The following JAK2 variants were observed in gnomAD, a reference collection of about 807,000 sequenced individuals.
JAK2 encodes tyrosine-protein kinase JAK2.
Under a neutral mutation model 139.3 loss-of-function variants are expected in JAK2, and 86 were observed. The ratio of observed to expected loss-of-function variants is 0.62; its 90% CI spans 0.52 to 0.74. The LOEUF (loss-of-function observed/expected upper bound fraction) is 0.74, where lower values mean the gene tolerates loss of function less well. Among genes scored for constraint, JAK2 ranks in the 30% least tolerant of loss-of-function variants. The probability of loss-of-function intolerance (pLI) is 0.00; values close to 1 mark genes in which losing one functional copy is unlikely to be tolerated. For missense variants in JAK2, 1,421 were observed against 1,360.3 expected (o/e 1.04, Z -0.70); for synonymous variants, 490 against 437.7 (o/e 1.12, Z -1.49).
chr9:5,114,060 C>A (rs1448440948), intron 22 of JAK2: 10 of 332,604 alleles, frequency 3.0e-5, no homozygotes, highest in Non-Finnish European at 6.0e-5. Context: ...GGCCTCCACA[C>A]AAAGCAAGCT....
intron 22 of JAK2, chr9:5,112,612 G>A (rs1396594108): frequency 3.4e-6 from 3 of 889,898 alleles, no homozygotes; most frequent in East Asian, 2.8e-5. Flanking sequence ...TGGGGCGCAT[G>A]TGGCAACTGC....
At chr9:5,004,377 TCATA>T (rs1821134238) in intron 2 of JAK2, among the ~76,000 whole-genome samples, 1 of 152,214 alleles carries the variant, frequency 6.6e-6, no homozygotes. Context: ...ATCAGTGAGA[TCATA>T]CAGTTTTGTC....
intron 16 of JAK2, 63 bp downstream of exon 16, chr9:5,078,507 C>A (rs1435260239): frequency 1.6e-6 from 2 of 1,269,042 alleles, no homozygotes; most frequent in Non-Finnish European, 2.2e-6. Context: ...GTGTAAAGGG[C>A]ATGTTGTTAA....
At chr9:5,021,716 C>T (rs976349899) in intron 2 of JAK2, among the ~76,000 whole-genome samples, 1 of 152,140 alleles carries the variant, frequency 6.6e-6, no homozygotes, top group Non-Finnish European at 1.5e-5. Flanking sequence ...GCCTCATCCT[C>T]CCAGGTTCAA....
intron 5 of JAK2, among the ~76,000 whole-genome samples, chr9:5,048,644 C>T (rs1032556794): frequency 1.3e-5 from 2 of 152,024 alleles, no homozygotes; most frequent in African/African-American, 4.8e-5. Context: ...TTGGGTGATA[C>T]TGATTATTTG....
rs766613605 is a variant in JAK2 at position 5,054,846 on chromosome 9, A to G, written c.898A>G (p.Arg300Gly). The change falls in exon 7 of 25, where the codon AGA (arginine) becomes GGA (glycine). Residue 300 changes from arginine (R) to glycine (G), a missense_variant. By Grantham distance (125) the Arg-to-Gly change is moderately radical (BLOSUM62 -2). Coordinates refer to ENST00000381652, the MANE Select transcript of JAK2 (RefSeq NM_004972.4). The surrounding 1 kb of genome is among the most constrained non-coding windows in gnomAD (Gnocchi z 4.9). The part of the protein sequence containing the change: ...ITGNGGIQWS[R>G]GKHKESETLT... ...TGGAAACGGTGGAATTCAGTGGTCA[A>G]GAGGGAAACATAAAGAAAGTGAGAC... is the stretch of plus-strand genomic sequence containing the variant. 1 of 1,609,774 alleles carries G rather than the reference A, an allele frequency of 6.2e-7. No homozygotes were observed. The highest frequency in any genetic ancestry group is 1.1e-5 in the South Asian group (1 of 90,510).
rs530478892 is a variant in JAK2, at chr9:5,041,469, C to G, written c.351-2934C>G. 6 of 604,842 alleles carry G rather than the reference C, an allele frequency of 9.9e-6. No homozygotes were observed. In the African/African-American group the frequency reaches 1.1e-4, roughly 11 times the overall value. The allele number at this position is 604,842 out of a possible 1,614,324, so 37.5% of individuals were successfully genotyped here. A position where few individuals can be genotyped will look rare whatever the true frequency, so the allele number is the denominator to read the frequency against. On this transcript the variant is annotated intron_variant, in intron 4 of 24. Coordinates refer to ENST00000381652, the MANE Select transcript of JAK2 (RefSeq NM_004972.4). ...AGCCTCCCCTGGCAGGGGCTCAAGG[C>G]TGACACGATCATGAGCGGTACAGAA...
intron 2 of JAK2, among the ~76,000 whole-genome samples, chr9:4,986,498 A>T (rs1190411271): frequency 6.6e-6 from 1 of 152,196 alleles, no homozygotes; most frequent in Non-Finnish European, 1.5e-5. Flanking sequence ...CTAATCTGTT[A>T]GGAGAAACTC....
chr9:5,113,917 T>C, intron 22 of JAK2: 1 of 233,792 alleles, frequency 4.3e-6, no homozygotes, highest in African/African-American at 2.3e-5. Context: ...CAGTGGACAC[T>C]TACCCCCGAC....
chr9:4,986,902 C>G (rs1382926848), intron 2 of JAK2, among the ~76,000 whole-genome samples: 2 of 152,120 alleles, frequency 1.3e-5, no homozygotes, highest in African/African-American at 2.4e-5. Context: ...TGTTGGTGCT[C>G]AAAATGTTTC....
At chr9:5,012,640 A>G (rs1053263056) in intron 2 of JAK2, among the ~76,000 whole-genome samples, 1 of 152,220 alleles carries the variant, frequency 6.6e-6, no homozygotes, top group East Asian at 1.9e-4. Flanking sequence ...CATAGCATTA[A>G]TAAATTAAAT....
intron 9 of JAK2, among the ~76,000 whole-genome samples, 195 bp downstream of exon 9, chr9:5,065,235 C>G (rs999112334): frequency 6.6e-6 from 1 of 152,096 alleles, no homozygotes; most frequent in African/African-American, 2.4e-5. Flanking sequence ...GTATCCCAAT[C>G]TATAATATTT....
intron 14 of JAK2, among the ~76,000 whole-genome samples, chr9:5,076,133 G>C (rs1393802987): frequency 6.6e-6 from 1 of 152,154 alleles, no homozygotes; most frequent in Non-Finnish European, 1.5e-5. Context: ...GATAAGCAGA[G>C]AAAGTGGTTT....
intron 22 of JAK2, chr9:5,113,888 T>TA (rs1420625691): frequency 4.6e-6 from 1 of 217,020 alleles, no homozygotes; most frequent in Non-Finnish European, 9.4e-6. Flanking sequence ...GTGAAGATCT[T>TA]ACAGTCCTCC....
At chr9:5,101,653 G>A (rs1014348705) in intron 22 of JAK2, among the ~76,000 whole-genome samples, 1 of 152,208 alleles carries the variant, frequency 6.6e-6, no homozygotes, top group African/African-American at 2.4e-5. Context: ...ATACAGGTGG[G>A]TGCCTGTCTG....
At chr9:5,073,397 C>T (rs1196916984) in intron 13 of JAK2, among the ~76,000 whole-genome samples, 1 of 152,154 alleles carries the variant, frequency 6.6e-6, no homozygotes, top group Admixed American at 6.5e-5. Flanking sequence ...TCTAGTTGTA[C>T]TTCTGTCCTC....
chr9:5,122,201 C>T (rs1823672025), intron 22 of JAK2, among the ~76,000 whole-genome samples: 1 of 152,060 alleles, frequency 6.6e-6, no homozygotes, highest in Non-Finnish European at 1.5e-5. Flanking sequence ...GTCTAAAACA[C>T]ATCTCTGTAG....
intron 2 of JAK2, among the ~76,000 whole-genome samples, chr9:4,990,548 G>T (rs1820182620): frequency 6.6e-6 from 1 of 152,094 alleles, no homozygotes. Flanking sequence ...AGAGAAAAGA[G>T]TGGGATTGCC....
rs188092438 is a variant in JAK2, at chr9:5,015,017, A to T, written c.-25-6946A>T. Reference sequence around the variant, plus strand: ...AGTTTTGCTTGTTTTTGAAATTTAGAAAAACGGTATTTTACAGCTTACAGT... The same window carrying T: ...AGTTTTGCTTGTTTTTGAAATTTAGTAAAACGGTATTTTACAGCTTACAGT... On this transcript the variant is annotated intron_variant, in intron 2 of 24. Transcript: ENST00000381652. Among the ~76,000 whole-genome samples the T allele has an allele frequency of 1.3e-3, 202 of 152,266 alleles. 1 individual carries two copies. The highest frequency in any genetic ancestry group is 4.0e-3 in the African/African-American group (165 of 41,546).
Sources: allele counts gnomAD v4.1 joint callset (sites outside exome capture counted in the v4.1 genomes callset), GRCh38; gene constraint gnomAD v4.1.1; non-coding constraint Gnocchi (gnomAD v3.1); transcripts MANE v1.5; gene names NCBI Gene and HGNC (gene_info 2026-07-23, HGNC 2026-07-21).